Variants in TENT5D observed in about 807,000 individuals in gnomAD.
The protein encoded by TENT5D is cancer/testis antigen 112.
For synonymous variants in TENT5D, 103 were observed against 100.6 expected (o/e 1.02, Z -0.15); for missense variants, 191 against 287.0 (o/e 0.67, Z 2.42).
chrX:80,340,333 T>C (rs1929934901), intron 2 of TENT5D, among the ~76,000 whole-genome samples: 1 of 111,146 alleles, frequency 9.0e-6, no homozygotes, highest in Non-Finnish European at 1.9e-5. Flanking sequence ...TAAAGGACTA[T>C]ACTACTCTGG....
chrX:80,381,591 T>C (rs1335202121), intron 3 of TENT5D, among the ~76,000 whole-genome samples: 1 of 112,239 alleles, frequency 8.9e-6, no homozygotes, highest in Non-Finnish European at 1.9e-5. Context: ...CTTTCAGGTA[T>C]GCCAATCAAA....
Position 80,346,473 on chromosome X carries a change from A to G in TENT5D, c.-142+3909A>G, listed in dbSNP as rs921137699. Among the ~76,000 whole-genome samples the G allele has an allele frequency of 2.7e-5, 3 of 111,721 alleles. No individual in the cohort carries two copies. In the Admixed American group the frequency reaches 2.9e-4, roughly 11 times the overall value. On this transcript the variant is annotated intron_variant, in intron 3 of 4. Coordinates refer to the TENT5D transcript ENST00000538312. ...CTTACCAGCACTATACAAGAGTTCT[A>G]GTTGTCACATACCTTCACTGGCACT...
At chrX:80,391,868 T>G (rs981050274) in intron 3 of TENT5D, among the ~76,000 whole-genome samples, 1 of 112,749 alleles carries the variant, frequency 8.9e-6, no homozygotes, top group Non-Finnish European at 1.9e-5. Context: ...GAGGTGCCGC[T>G]AGGCACTAGA....
At chrX:80,358,381 C>G (rs185271453) in intron 3 of TENT5D, among the ~76,000 whole-genome samples, 1,409 of 111,456 alleles carry the variant, frequency 0.013, 9 homozygotes, top group Non-Finnish European at 0.021. Context: ...AACAGGAAAC[C>G]TACAGAATGG....
At chrX:80,372,134 T>A (rs894835854) in intron 3 of TENT5D, among the ~76,000 whole-genome samples, 3 of 111,298 alleles carry the variant, frequency 2.7e-5, no homozygotes, top group Non-Finnish European at 5.6e-5. Context: ...ACTTGCATTA[T>A]TTTAGGCAGA....
At chrX:80,394,506 C>T (rs1931202597) in intron 3 of TENT5D, among the ~76,000 whole-genome samples, 1 of 105,281 alleles carries the variant, frequency 9.5e-6, no homozygotes, top group Admixed American at 1.0e-4. Context: ...ATTCTCCTGC[C>T]TCAGCCTCCC....
chrX:80,382,379 G>A (rs191954806), intron 3 of TENT5D, among the ~76,000 whole-genome samples: 269 of 111,676 alleles, frequency 2.4e-3, no homozygotes, highest in African/African-American at 8.6e-3. Flanking sequence ...GGTTGTATGA[G>A]GTGTCAGTCG....
intron 3 of TENT5D, among the ~76,000 whole-genome samples, chrX:80,399,087 C>G (rs1202523905): frequency 9.0e-6 from 1 of 111,400 alleles, no homozygotes; most frequent in Non-Finnish European, 1.9e-5. Context: ...TAATTGTGTC[C>G]TTTGTTGTGC....
chrX:80,436,370 T>C (rs1361753489), intron 1 of TENT5D, among the ~76,000 whole-genome samples: 1 of 111,162 alleles, frequency 9.0e-6, no homozygotes, highest in Non-Finnish European at 1.9e-5. Context: ...ATATTAAAAG[T>C]GCATTTGTTT....
chrX:80,363,991 A>C (rs968169246), intron 3 of TENT5D, among the ~76,000 whole-genome samples: 3 of 112,533 alleles, frequency 2.7e-5, no homozygotes, highest in Admixed American at 9.4e-5. Context: ...ATTTCAAGTA[A>C]ACAATACAAT....
intron 3 of TENT5D, among the ~76,000 whole-genome samples, chrX:80,402,899 T>G (rs760618252): frequency 1.2e-4 from 13 of 112,152 alleles, no homozygotes; most frequent in Admixed American, 3.8e-4. Context: ...TTAGGTCCAT[T>G]TGGCCTAAAG....
chrX:80,397,027 G>T (rs1194959065), intron 3 of TENT5D, among the ~76,000 whole-genome samples: 2 of 97,183 alleles, frequency 2.1e-5, no homozygotes, highest in Non-Finnish European at 4.2e-5. Flanking sequence ...GCCGGGGGGG[G>T]GGCTGACCCC....
chrX:80,404,231 A>G (rs1931439651), intron 3 of TENT5D, among the ~76,000 whole-genome samples: 1 of 112,210 alleles, frequency 8.9e-6, no homozygotes, highest in South Asian at 3.7e-4. Flanking sequence ...GTGATAACTC[A>G]GAGATTTCAA....
intron 2 of TENT5D, among the ~76,000 whole-genome samples, chrX:80,439,493 G>A (rs978138544): frequency 9.1e-6 from 1 of 109,495 alleles, no homozygotes; most frequent in Non-Finnish European, 1.9e-5. Flanking sequence ...TACTATATGC[G>A]GTTAAGTATG....
chrX:80,398,099 A>G (rs1013010220), intron 3 of TENT5D, among the ~76,000 whole-genome samples: 1 of 112,203 alleles, frequency 8.9e-6, no homozygotes, highest in African/African-American at 3.2e-5. Context: ...TCTTTTCGAT[A>G]ATAGTCGTCC....
At chrX:80,379,329 G>A (rs754668059) in intron 3 of TENT5D, among the ~76,000 whole-genome samples, 3 of 109,620 alleles carry the variant, frequency 2.7e-5, no homozygotes, top group Non-Finnish European at 5.7e-5. Context: ...GCTTTTTGAT[G>A]TGCTGCTGAA....
chrX:80,382,468 C>T (rs761912273), intron 3 of TENT5D, among the ~76,000 whole-genome samples: 3 of 112,024 alleles, frequency 2.7e-5, no homozygotes, highest in South Asian at 7.5e-4. Flanking sequence ...GGAGGCAGTC[C>T]GTTCTCAGAG....
At chrX:80,396,922 C>T (rs1931266960) in intron 3 of TENT5D, among the ~76,000 whole-genome samples, 1 of 89,021 alleles carries the variant, frequency 1.1e-5, no homozygotes, top group Non-Finnish European at 2.2e-5. Context: ...CCACCTCCCT[C>T]CCAGACGGGG....
chrX:80,398,876 A>G (rs185489825), intron 3 of TENT5D, among the ~76,000 whole-genome samples: 10 of 111,662 alleles, frequency 9.0e-5, no homozygotes, highest in Non-Finnish European at 1.9e-4. Context: ...GAACCATGAA[A>G]GACCCTGAAT....
Sources: gnomAD v4.1 joint callset for allele counts (sites outside exome capture counted in the v4.1 genomes callset) on GRCh38, gnomAD v4.1.1 for gene constraint, MANE v1.5 for transcripts, NCBI Gene and HGNC (gene_info 2026-07-23, HGNC 2026-07-21) for gene names.